The following SH3PXD2B variants were observed in gnomAD, a reference collection of about 807,000 sequenced individuals.
SH3PXD2B encodes SH3 and PX domains 2B.
SH3PXD2B carries 37 observed loss-of-function variants against 73.1 expected under a neutral mutation model. The observed-to-expected ratio is 0.51, with a 90% CI of 0.39 to 0.67. The LOEUF is 0.67. Among genes scored for constraint, SH3PXD2B ranks in the 30% least tolerant of loss-of-function variants. The pLI, the probability that SH3PXD2B is intolerant of heterozygous loss-of-function variation, is 0.00. For missense variants in SH3PXD2B, 1,053 were observed against 1,197.8 expected, an observed-to-expected ratio of 0.88 and a Z score of 1.78; for synonymous variants, 457 against 480.5, an observed-to-expected ratio of 0.95 and a Z score of 0.64.
intron 6 of SH3PXD2B, among the ~76,000 whole-genome samples, chr5:172,366,625 T>A (rs900163405): frequency 2.0e-5 from 3 of 152,046 alleles, no homozygotes; most frequent in Non-Finnish European, 2.9e-5. Context: ...TTATTTATTT[T>A]ATTTTATTTT....
intron 4 of SH3PXD2B, among the ~76,000 whole-genome samples, chr5:172,390,533 G>T (rs1747738866): frequency 6.6e-6 from 1 of 152,058 alleles, no homozygotes; most frequent in South Asian, 2.1e-4. Context: ...GCAGGCTCAA[G>T]CCACTGTGGC....
At chr5:172,402,081 T>C (rs2113418977) in intron 3 of SH3PXD2B, among the ~76,000 whole-genome samples, 1 of 152,304 alleles carries the variant, frequency 6.6e-6, no homozygotes, top group South Asian at 2.1e-4. Flanking sequence ...ATAGGAGAAA[T>C]ATCGCTGAAT....
At chr5:172,407,193 G>GA (rs1758580289) in intron 2 of SH3PXD2B, among the ~76,000 whole-genome samples, 1 of 152,206 alleles carries the variant, frequency 6.6e-6, no homozygotes, top group Admixed American at 6.5e-5. Context: ...CTGGGCTGCG[G>GA]AAGTCATTAA....
downstream of SH3PXD2B, among the ~76,000 whole-genome samples, chr5:172,331,182 G>A (rs115285284): frequency 0.014 from 2,085 of 152,300 alleles, 35 homozygotes; most frequent in African/African-American, 0.035. Flanking sequence ...GCGACAGAGC[G>A]AGACTCTTGT....
At chr5:172,427,035 G>A (rs912551387) in intron 1 of SH3PXD2B, among the ~76,000 whole-genome samples, 2 of 152,114 alleles carry the variant, frequency 1.3e-5, no homozygotes, top group African/African-American at 4.8e-5. Context: ...TGGTGCCAAG[G>A]AATTAAAGAC....
chr5:172,354,815 A>G (rs2113300258), intron 8 of SH3PXD2B, among the ~76,000 whole-genome samples: 2 of 152,272 alleles, frequency 1.3e-5, no homozygotes, highest in South Asian at 4.1e-4. Context: ...GTCTTCTACC[A>G]CACTCTCTGC....
intron 9 of SH3PXD2B, among the ~76,000 whole-genome samples, chr5:172,351,355 T>C (rs941692344): frequency 2.0e-5 from 3 of 152,202 alleles, no homozygotes; most frequent in African/African-American, 7.2e-5. Context: ...CTTGAGCTCC[T>C]AGACTCAAGT....
chr5:172,342,590 C>T (rs751557889), intron 12 of SH3PXD2B, among the ~76,000 whole-genome samples: 48 of 152,154 alleles, frequency 3.2e-4, no homozygotes, highest in Non-Finnish European at 5.6e-4. Context: ...TGAAACCCTG[C>T]GTCTACGAAA....
At chr5:172,384,039 GT>G (rs1472299134) in intron 4 of SH3PXD2B, among the ~76,000 whole-genome samples, 1 of 152,016 alleles carries the variant, frequency 6.6e-6, no homozygotes, top group African/African-American at 2.4e-5. Context: ...TAGAGATGGG[GT>G]TTCACCATGT....
intron 1 of SH3PXD2B, among the ~76,000 whole-genome samples, chr5:172,423,689 T>TCACTG (rs1047520387): frequency 6.6e-6 from 1 of 152,140 alleles, no homozygotes; most frequent in African/African-American, 2.4e-5. Flanking sequence ...TCTAGCTCTG[T>TCACTG]CACCCAGGCT....
At chr5:172,409,770 C>T (rs1758648886) in intron 2 of SH3PXD2B, among the ~76,000 whole-genome samples, 1 of 152,164 alleles carries the variant, frequency 6.6e-6, no homozygotes, top group African/African-American at 2.4e-5. Flanking sequence ...GGCTGGAGTG[C>T]AATGGCACGA....
chr5:172,366,725 C>T (rs529644291), intron 6 of SH3PXD2B, among the ~76,000 whole-genome samples: 3 of 151,944 alleles, frequency 2.0e-5, no homozygotes, highest in Non-Finnish European at 4.4e-5. Flanking sequence ...CTCTGCCTCC[C>T]GGGTGCAAGT....
intron 1 of SH3PXD2B, among the ~76,000 whole-genome samples, chr5:172,451,850 T>A (rs982909287): frequency 2.0e-5 from 3 of 152,216 alleles, no homozygotes; most frequent in Non-Finnish European, 1.5e-5. Flanking sequence ...CCCCCTGCCA[T>A]CAAGGCAGTA....
chr5:172,370,112 C>G (rs1159944595), intron 6 of SH3PXD2B, among the ~76,000 whole-genome samples: 1 of 152,184 alleles, frequency 6.6e-6, no homozygotes. Context: ...TGAATGAACA[C>G]AGGATAAATG....
chr5:172,418,280 T>A (rs1193776020), intron 2 of SH3PXD2B, among the ~76,000 whole-genome samples: 1 of 152,160 alleles, frequency 6.6e-6, no homozygotes, highest in Non-Finnish European at 1.5e-5. Flanking sequence ...GGGCCCACAT[T>A]CAGTGTTCCA....
Position 172,406,147 on chromosome 5 carries a change from T to C in SH3PXD2B, c.232+130A>G. On this transcript the variant is annotated intron_variant, in intron 3 of 12. Coordinates refer to ENST00000311601, the MANE Select transcript of SH3PXD2B (RefSeq NM_001017995.3). Reference sequence around the variant, plus strand: ...GCATAAATGGGTTAATTTCTACAAATGGCTGAGATTCTGGTCAGTGGGATG... The same window carrying C: ...GCATAAATGGGTTAATTTCTACAAACGGCTGAGATTCTGGTCAGTGGGATG... 3.7e-6 allele frequency: 4 copies of C among 1,076,888 alleles called. No individual in the cohort carries two copies. In the East Asian group the frequency reaches 9.7e-5, roughly 26 times the overall value. 66.7% of individuals were successfully genotyped at this position (1,076,888 alleles called of 1,614,324 possible). A position where few individuals can be genotyped will look rare whatever the true frequency, so the allele number is the denominator to read the frequency against.
At chr5:172,379,178 T>C (rs747003411) in intron 5 of SH3PXD2B, among the ~76,000 whole-genome samples, 18 of 150,706 alleles carry the variant, frequency 1.2e-4, no homozygotes, top group Non-Finnish European at 2.5e-4. Context: ...TTAGGGGTAA[T>C]TAGGTCATAA....
rs138949033 is a variant in SH3PXD2B at position 172,339,778 on chromosome 5, C to T, written c.1327G>A (p.Glu443Lys). The T allele has an allele frequency of 1.2e-5, 19 of 1,613,114 alleles. No individual in the cohort carries two copies. Among genetic ancestry groups the T allele is most frequent in the East Asian group, 6.7e-5 (3 of 44,876 alleles). ...RPNFLAPLPH[E>K]VTQLRLGEAA... ...TCCCCCAGCCGGAGCTGGGTCACCT[C>T]GTGGGGCAGGGGAGCCAGAAAGTTG... The change falls in exon 13 of 13, where the codon GAG (glutamate) becomes AAG (lysine). Residue 443 changes from glutamate (E) to lysine (K), a missense_variant. Physicochemically the swap from Glu to Lys is moderately conservative, Grantham distance 56. Coordinates refer to ENST00000311601, the MANE Select transcript of SH3PXD2B (RefSeq NM_001017995.3). This position sits in a 1 kb window ranked among gnomAD's most constrained non-coding sequence, Gnocchi z 6.1.
At chr5:172,450,344 G>A (rs552341984) in intron 1 of SH3PXD2B, among the ~76,000 whole-genome samples, 1 of 151,998 alleles carries the variant, frequency 6.6e-6, no homozygotes, top group African/African-American at 2.4e-5. Flanking sequence ...GCGTCCGGGG[G>A]GTTTGCATCT....
Sources: gnomAD v4.1 joint callset for allele counts (sites outside exome capture counted in the v4.1 genomes callset) on GRCh38, gnomAD v4.1.1 for gene constraint, Gnocchi (gnomAD v3.1) non-coding constraint, MANE v1.5 for transcripts, NCBI Gene and HGNC (gene_info 2026-07-23, HGNC 2026-07-21) for gene names.